Variants in FAM124B observed in about 807,000 individuals in gnomAD.
FAM124B encodes the protein family with sequence similarity 124 member B.
FAM124B carries 18 observed loss-of-function variants against 19.7 expected under a neutral mutation model. The ratio of observed to expected loss-of-function variants is 0.92; its 90% CI spans 0.63 to 1.36. The LOEUF (loss-of-function observed/expected upper bound fraction) is 1.36, where lower values mean the gene tolerates loss of function less well. Among genes scored for constraint, FAM124B ranks in the 40% most tolerant of loss-of-function variants. FAM124B has a pLI of 0.00. For synonymous variants in FAM124B, 223 were observed against 225.2 expected, an observed-to-expected ratio of 0.99 and a Z score of 0.09; for missense variants, 540 against 553.3, an observed-to-expected ratio of 0.98 and a Z score of 0.24.
At position 224,379,760 on chromosome 2, in the gene FAM124B, C is replaced by A. The variant is rs1204023352; in HGVS notation, c.1181G>T (p.Cys394Phe). Reference sequence around the variant, plus strand: ...CACCCCCAAGGAAGAGGCTGGCAAGCAGAATGGTGGCTGGCTGGTCTGTAA... The same window carrying A: ...CACCCCCAAGGAAGAGGCTGGCAAGAAGAATGGTGGCTGGCTGGTCTGTAA... ...RDLQTSQPPFCLPASSLGVAT... is the reference protein window; with the variant it reads ...RDLQTSQPPFFLPASSLGVAT... Residue 394 changes from cysteine (C) to phenylalanine (F), a missense_variant, in exon 2 of 2, where the codon TGC becomes TTC. Transcript: ENST00000409685. 4 of 1,551,558 alleles carry A rather than the reference C, an allele frequency of 2.6e-6. No individual in the cohort carries two copies. The highest frequency in any genetic ancestry group is 3.9e-5 in the Admixed American group (2 of 50,978).
chr2:224,394,730 A>C (rs1225281330), intron 1 of FAM124B, among the ~76,000 whole-genome samples: 1 of 152,186 alleles, frequency 6.6e-6, no homozygotes, highest in African/African-American at 2.4e-5. Flanking sequence ...TGAACTCTCC[A>C]GCCCTATACT....
intron 1 of FAM124B, among the ~76,000 whole-genome samples, chr2:224,385,760 C>T (rs892352724): frequency 6.6e-6 from 1 of 152,118 alleles, no homozygotes; most frequent in African/African-American, 2.4e-5. Flanking sequence ...CCCACATGAC[C>T]CCAGGAAGAG....
At chr2:224,389,254 G>T (rs752063519) in intron 1 of FAM124B, among the ~76,000 whole-genome samples, 24 of 152,126 alleles carry the variant, frequency 1.6e-4, no homozygotes, top group Non-Finnish European at 2.9e-4. Context: ...TTCTAGTAGG[G>T]GTCTGATGTG....
At position 224,401,703 on chromosome 2, in the gene FAM124B, G is replaced by A. The variant is rs749505484; in HGVS notation, c.66C>T (p.Ser22=). The A allele has an allele frequency of 1.4e-5, 22 of 1,614,076 alleles. No homozygotes were observed. In the African/African-American group the frequency reaches 2.1e-4, roughly 16 times the overall value. The change falls in exon 1 of 2, where the codon TCC becomes TCT. Residue 22 remains serine (S), a synonymous_variant. Coordinates refer to ENST00000409685, the MANE Select transcript of FAM124B (RefSeq NM_001122779.2). ...GCTGGTCCAGAGTCCTCTGCAGAAG[G>A]GAGCCGTGCCCAGAGTTGGCAAGAA... ...VHLLANSGHG[S]LLQRTLDQLL...
At chr2:224,393,532 T>C (rs2106085360) in intron 1 of FAM124B, among the ~76,000 whole-genome samples, 1 of 152,294 alleles carries the variant, frequency 6.6e-6, no homozygotes, top group South Asian at 2.1e-4. Context: ...GTGTGTGACC[T>C]TTCCCATTTA....
rs758365456 is a variant in FAM124B, at chr2:224,401,665, A to C, written c.104T>G (p.Ile35Ser). Residue 35 changes from isoleucine to serine, a missense_variant, in exon 1 of 2, where the codon ATT (isoleucine) becomes AGT (serine). By Grantham distance (142) the Ile-to-Ser change is moderately radical (BLOSUM62 -2). Transcript: ENST00000409685. The stretch of plus-strand genomic sequence containing the variant: ...CTGAAAGAGCCGGACCTCTGGGCAA[A>C]TGCAATCCAGGAGCTGGTCCAGAGT... The part of the protein sequence containing the change: ...QRTLDQLLDC[I>S]CPEVRLFQVS... 6 of 1,614,070 alleles carry C rather than the reference A, an allele frequency of 3.7e-6. No homozygotes were observed. The Admixed American group carries it at 1.0e-4, about 27-fold the overall frequency.
intron 1 of FAM124B, among the ~76,000 whole-genome samples, chr2:224,383,311 C>T (rs1017032109): frequency 2.6e-5 from 4 of 152,170 alleles, no homozygotes; most frequent in Non-Finnish European, 4.4e-5. Context: ...AGTTAACTTG[C>T]GGTCGTTGTG....
At chr2:224,389,572 T>C (rs747614390) in intron 1 of FAM124B, among the ~76,000 whole-genome samples, 5 of 151,962 alleles carry the variant, frequency 3.3e-5, no homozygotes, top group Non-Finnish European at 5.9e-5. Context: ...AAACAACTGG[T>C]ATTTCAAAAC....
chr2:224,382,405 C>CTTT (rs71062905), intron 1 of FAM124B, among the ~76,000 whole-genome samples: 41 of 106,402 alleles, frequency 3.9e-4, no homozygotes, highest in Admixed American at 6.1e-4. Flanking sequence ...GATTCCCTGT[C>CTTT]TTTTTTTTTT....
At chr2:224,396,285 A>G (rs1315104539) in intron 1 of FAM124B, among the ~76,000 whole-genome samples, 2 of 151,844 alleles carry the variant, frequency 1.3e-5, no homozygotes, top group African/African-American at 4.8e-5. Flanking sequence ...GCAGCACCAC[A>G]CCAACATCGT....
intron 1 of FAM124B, among the ~76,000 whole-genome samples, chr2:224,396,016 T>C (rs1035707847): frequency 2.6e-5 from 4 of 152,330 alleles, no homozygotes; most frequent in African/African-American, 7.2e-5. Flanking sequence ...TCACCAAGGA[T>C]AGAATAGAAG....
At chr2:224,387,213 T>G (rs1208038918) in intron 1 of FAM124B, among the ~76,000 whole-genome samples, 2 of 152,226 alleles carry the variant, frequency 1.3e-5, no homozygotes, top group African/African-American at 4.8e-5. Flanking sequence ...AAGAAATATT[T>G]GTAAAATGTT....
At chr2:224,387,295 CATTT>C (rs1374365228) in intron 1 of FAM124B, among the ~76,000 whole-genome samples, 1 of 152,178 alleles carries the variant, frequency 6.6e-6, no homozygotes, top group African/African-American at 2.4e-5. Flanking sequence ...GATGGTCACT[CATTT>C]ATAACTCTGA....
chr2:224,400,235 G>A (rs1295722543), intron 1 of FAM124B: 1 of 430,666 alleles, frequency 2.3e-6, no homozygotes, highest in Non-Finnish European at 4.1e-6. Flanking sequence ...TTGTGCACAT[G>A]TACCCCAGAA....
In FAM124B at chr2:224,379,669, C is replaced by T; in HGVS notation, c.1272G>A (p.Arg424=). 2 of 1,551,580 alleles carry T rather than the reference C, an allele frequency of 1.3e-6. No homozygotes were observed. Among genetic ancestry groups the T allele is most frequent in the Non-Finnish European group, 1.7e-6 (2 of 1,146,988 alleles). The change falls in exon 2 of 2, where the codon AGG becomes AGA. Residue 424 remains arginine (R), a synonymous_variant. Transcript: ENST00000409685. Reference sequence around the variant, plus strand: ...AAATTGTCTTCCTGGTACCAAGGTCCCTTTGGCCAGCAAGTGGCAAAGGAG... The same window carrying T: ...AAATTGTCTTCCTGGTACCAAGGTCTCTTTGGCCAGCAAGTGGCAAAGGAG... ...RVSPLPLAGQ[R]DLGTRKTISE...
At chr2:224,383,619 C>T (rs1689758691) in intron 1 of FAM124B, among the ~76,000 whole-genome samples, 1 of 152,132 alleles carries the variant, frequency 6.6e-6, no homozygotes, top group Non-Finnish European at 1.5e-5. Flanking sequence ...TTCTCCCTAT[C>T]CCAACCTCAA....
intron 1 of FAM124B, among the ~76,000 whole-genome samples, chr2:224,382,572 G>C (rs764657911): frequency 6.6e-6 from 1 of 151,914 alleles, no homozygotes; most frequent in Non-Finnish European, 1.5e-5. Flanking sequence ...ACCACGCCCA[G>C]CTAATTTTGT....
At position 224,401,584 on chromosome 2, in the gene FAM124B, G is replaced by A. The variant is rs753511222; in HGVS notation, c.185C>T (p.Ser62Phe). The change falls in exon 1 of 2, where the codon TCC becomes TTC. Residue 62 changes from serine to phenylalanine, a missense_variant. Coordinates refer to ENST00000409685, the MANE Select transcript of FAM124B (RefSeq NM_001122779.2). ...CAACACGGACATCCCTGGAAACCGG[G>A]ACCGCTTGGAATGGGACTTTTCACA... is the stretch of plus-strand genomic sequence containing the variant. ...KYCEKSHSKRSRFPGMSVLLF... is the reference protein window; with the variant it reads ...KYCEKSHSKRFRFPGMSVLLF... The A allele has an allele frequency of 1.2e-5, 19 of 1,614,048 alleles. No homozygotes were observed. The East Asian group carries it at 4.0e-4, about 34-fold the overall frequency.
chr2:224,387,716 G>A (rs1173026975), intron 1 of FAM124B, among the ~76,000 whole-genome samples: 1 of 151,818 alleles, frequency 6.6e-6, no homozygotes, highest in Non-Finnish European at 1.5e-5. Context: ...TGGGGGTGGG[G>A]TATGATGGGG....
Sources: allele counts gnomAD v4.1 joint callset (sites outside exome capture counted in the v4.1 genomes callset), GRCh38; gene constraint gnomAD v4.1.1; transcripts MANE v1.5; gene names NCBI Gene and HGNC (gene_info 2026-07-23, HGNC 2026-07-21).